The following CEP120 variants were observed in gnomAD, a reference collection of about 807,000 sequenced individuals.
The protein encoded by CEP120 is centrosomal protein of 120 kDa.
A neutral mutation model predicts 126.5 loss-of-function variants in CEP120; 113 were observed. The observed-to-expected ratio is 0.89, with a 90% CI of 0.77 to 1.04. The LOEUF is 1.04. Ranked by LOEUF, CEP120 falls within the 50% of genes least tolerant of loss-of-function variation. The pLI is 0.00. For missense variants in CEP120, 1,230 were observed against 1,155.7 expected, an observed-to-expected ratio of 1.06 and a Z score of -0.93; for synonymous variants, 400 against 394.3, an observed-to-expected ratio of 1.01 and a Z score of -0.17.
intron 16 of CEP120, among the ~76,000 whole-genome samples, chr5:123,375,110 C>T (rs770148677): frequency 5.9e-5 from 9 of 152,182 alleles, no homozygotes; most frequent in African/African-American, 1.9e-4. Flanking sequence ...ACACCTAAAA[C>T]GTGAAATGTA....
At position 123,409,971 on chromosome 5, in the gene CEP120, CAAA is replaced by C. The variant is rs1353891467; in HGVS notation, c.463+2425_463+2427del. 7.4e-5 allele frequency among the ~76,000 whole-genome samples: 5 copies of C among 67,596 alleles called. 1 individual carries two copies. The highest frequency in any genetic ancestry group is 1.9e-4 in the African/African-American group (3 of 15,460). 44.3% of individuals were successfully genotyped at this position (67,596 alleles called of 152,430 possible). The stretch of plus-strand genomic sequence containing the variant: ...ATCCTGTCTCAAAAAACAAAACAAG[CAAA>C]AAAAAAAAAAAAAAAAACCACACAC... On this transcript the variant is annotated intron_variant, in intron 4 of 19. Coordinates refer to ENST00000306467, the MANE Select transcript of CEP120 (RefSeq NM_001375405.1).
intron 18 of CEP120, among the ~76,000 whole-genome samples, chr5:123,355,645 T>C (rs901041032): frequency 1.1e-4 from 17 of 152,086 alleles, no homozygotes; most frequent in African/African-American, 3.6e-4. Context: ...TTTTTTCTTG[T>C]AAATTTGTTT....
intron 8 of CEP120, 66 bp downstream of exon 8, chr5:123,389,858 C>A: frequency 7.1e-7 from 1 of 1,399,974 alleles, no homozygotes; most frequent in South Asian, 1.2e-5. Context: ...TTCTCATAGT[C>A]ATTTTTTAGA....
intron 16 of CEP120, among the ~76,000 whole-genome samples, chr5:123,375,754 G>A (rs1472301913): frequency 6.6e-6 from 1 of 152,064 alleles, no homozygotes; most frequent in Non-Finnish European, 1.5e-5. Flanking sequence ...AAGCATTACT[G>A]GTGAATCCCA....
rs151274719 is a variant in CEP120, at chr5:123,353,410, C to T, written c.2581-3321G>A. Among the ~76,000 whole-genome samples, 72 of 151,752 alleles carry T rather than the reference C, an allele frequency of 4.7e-4. 1 individual carries two copies. Among genetic ancestry groups the T allele is most frequent in the African/African-American group, 1.6e-3 (68 of 41,470 alleles). ...TAAATAAACTTCGTTGTGATGCTTA[C>T]AAGTTTAATATCTTAAACTTGTATC... On this transcript the variant is annotated intron_variant, in intron 18 of 19. Coordinates refer to ENST00000306467, the MANE Select transcript of CEP120 (RefSeq NM_001375405.1).
intron 19 of CEP120, 97 bp from the exon 20 acceptor site, chr5:123,346,850 T>C: frequency 1.1e-6 from 1 of 904,516 alleles, no homozygotes; most frequent in Non-Finnish European, 1.6e-6. Context: ...GACAAGGTTT[T>C]AGTAATATTT....
At position 123,415,809 on chromosome 5, in the gene CEP120, T is replaced by C. The variant is rs548826199; in HGVS notation, c.321+201A>G. 2.4e-3 allele frequency among the ~76,000 whole-genome samples: 368 copies of C among 151,916 alleles called. 4 individuals carry two copies. Among genetic ancestry groups the C allele is most frequent in the African/African-American group, 8.5e-3 (352 of 41,398 alleles). ...ATTGCTTGAACTTGGGAAGCGGAGG[T>C]TGCAGTGAGCCAAGATTGTGCTATT... On this transcript the variant is annotated intron_variant, in intron 3 of 19. Coordinates refer to ENST00000306467, the MANE Select transcript of CEP120 (RefSeq NM_001375405.1).
Position 123,414,634 on chromosome 5 carries a change from A to G in CEP120, c.321+1376T>C, listed in dbSNP as rs112712381. Among the ~76,000 whole-genome samples the G allele has an allele frequency of 1.5e-3, 226 of 152,256 alleles. 1 individual carries two copies. The highest frequency in any genetic ancestry group is 4.2e-3 in the African/African-American group (173 of 41,540). On this transcript the variant is annotated intron_variant, in intron 3 of 19. Transcript: ENST00000306467. ...CAGAAAAATTGCAAGGGAGATTTCT[A>G]AAGTCGGTCACATACAAAAAGGTCA...
chr5:123,369,177 T>TC (rs2127012979), intron 17 of CEP120, among the ~76,000 whole-genome samples: 1 of 152,128 alleles, frequency 6.6e-6, no homozygotes, highest in African/African-American at 2.4e-5. Flanking sequence ...CAAGTTACTC[T>TC]CCTACTTAAA....
In CEP120 at chr5:123,383,595, C is replaced by T. The variant is rs536778902; in HGVS notation, c.1764-513G>A. On this transcript the variant is annotated intron_variant, in intron 11 of 19. Coordinates refer to ENST00000306467, the MANE Select transcript of CEP120 (RefSeq NM_001375405.1). ...AAATATACTTAACAATTCCCCTACT[C>T]TTGATTATATTGGTTATTCTGAATT... Among the ~76,000 whole-genome samples, 11 of 152,052 alleles carry T rather than the reference C, an allele frequency of 7.2e-5. No individual in the cohort carries two copies. The South Asian group carries it at 2.3e-3, about 32-fold the overall frequency.
chr5:123,408,787 T>C (rs1040324250), intron 4 of CEP120, among the ~76,000 whole-genome samples: 2 of 152,130 alleles, frequency 1.3e-5, no homozygotes, highest in Admixed American at 6.6e-5. Flanking sequence ...ATCATCCTAA[T>C]ACCAAAATCA....
intron 5 of CEP120, among the ~76,000 whole-genome samples, chr5:123,397,558 AGTAT>A (rs1261904657): frequency 2.0e-5 from 3 of 152,232 alleles, no homozygotes; most frequent in Non-Finnish European, 4.4e-5. Context: ...TAAAGGCAAA[AGTAT>A]GTATGTATCA....
intron 5 of CEP120, among the ~76,000 whole-genome samples, chr5:123,394,345 G>C (rs1175730570): frequency 1.3e-5 from 2 of 152,162 alleles, no homozygotes; most frequent in African/African-American, 4.8e-5. Context: ...GTTACAGGAG[G>C]AAACTGTTCT....
At chr5:123,422,549 CG>C in intron 1 of CEP120, 1 of 1,535,452 alleles carries the variant, frequency 6.5e-7, no homozygotes, top group South Asian at 1.2e-5. Context: ...GAATTGCCTC[CG>C]GAACACTTCT....
chr5:123,378,243 G>C (rs79160984), intron 15 of CEP120, 93 bp downstream of exon 15: 1 of 874,232 alleles, frequency 1.1e-6, no homozygotes, highest in African/African-American at 1.8e-5. Flanking sequence ...CTTCTCTCTC[G>C]GGACTCTTTT....
chr5:123,418,013 T>C (rs1774487357), intron 2 of CEP120, among the ~76,000 whole-genome samples: 1 of 152,190 alleles, frequency 6.6e-6, no homozygotes, highest in Non-Finnish European at 1.5e-5. Context: ...ACAAAATTTA[T>C]AGGTTGAACA....
chr5:123,347,058 A>G (rs1768874289), intron 19 of CEP120, among the ~76,000 whole-genome samples: 2 of 152,200 alleles, frequency 1.3e-5, no homozygotes, highest in South Asian at 4.1e-4. Flanking sequence ...AATCATCTGT[A>G]ATGTGATCCC....
At position 123,391,536 on chromosome 5, in the gene CEP120, A is replaced by T. The variant is rs116777527; in HGVS notation, c.811-199T>A. On this transcript the variant is annotated intron_variant, in intron 6 of 19. Transcript: ENST00000306467. ...TGGTGATAAAACACAAAGTTTACTA[A>T]AAACTCAATAATAGCTATTACCTTT... Among the ~76,000 whole-genome samples, 1,380 of 152,322 alleles carry T rather than the reference A, an allele frequency of 9.1e-3. 26 individuals carry two copies. Among genetic ancestry groups the T allele is most frequent in the African/African-American group, 0.031 (1,287 of 41,570 alleles).
Position 123,349,966 on chromosome 5 carries a change from C to T in CEP120, c.2704G>A (p.Asp902Asn), listed in dbSNP as rs757357277. The T allele has an allele frequency of 1.9e-6, 3 of 1,613,470 alleles. No homozygotes were observed. In the South Asian group the frequency reaches 3.3e-5, roughly 18 times the overall value. The change falls in exon 19 of 20, where the codon GAT becomes AAT. Residue 902 changes from aspartate (D) to asparagine (N), a missense_variant. Transcript: ENST00000306467. ...TVKTERQELLDIRNELNRLRQ... is the reference protein window; with the variant it reads ...TVKTERQELLNIRNELNRLRQ... ...TACCTGTTCAATTCATTTCTTATAT[C>T]CAACAATTCTTGTCGCTCGGTTTTT...
Sources: allele counts gnomAD v4.1 joint callset (sites outside exome capture counted in the v4.1 genomes callset), GRCh38; gene constraint gnomAD v4.1.1; transcripts MANE v1.5; gene names NCBI Gene and HGNC (gene_info 2026-07-23, HGNC 2026-07-21).